SCAF8: variants seen among roughly 807,000 people sequenced by gnomAD.
SCAF8 encodes SR-related CTD associated factor 8, also known as SR-related and CTD-associated factor 8.
A neutral mutation model predicts 140.5 loss-of-function variants in SCAF8; 23 were observed. The ratio of observed to expected loss-of-function variants is 0.16; its 90% CI spans 0.12 to 0.23. SCAF8 has a LOEUF of 0.23. Among genes scored for constraint, SCAF8 ranks in the 10% least tolerant of loss-of-function variants. SCAF8 has a pLI of 1.00. For synonymous variants in SCAF8, 575 were observed against 528.9 expected, an observed-to-expected ratio of 1.09 and a Z score of -1.20; for missense variants, 1,397 against 1,555.7, an observed-to-expected ratio of 0.90 and a Z score of 1.72.
intron 3 of SCAF8, among the ~76,000 whole-genome samples, chr6:154,786,440 C>T (rs1382574312): frequency 1.3e-5 from 2 of 152,208 alleles, no homozygotes; most frequent in African/African-American, 2.4e-5. Context: ...CCAGAGGCTG[C>T]GTGACCCTAA....
At chr6:154,777,911 CT>C in intron 2 of SCAF8, 89 bp from the exon 3 acceptor site, 1 of 772,552 alleles carries the variant, frequency 1.3e-6, no homozygotes. Flanking sequence ...TTTGATAGAC[CT>C]TTGGAGCATG....
Position 154,802,254 on chromosome 6 carries a change from C to T in SCAF8, c.783+107C>T, listed in dbSNP as rs78034864. 307 of 627,842 alleles carry T rather than the reference C, an allele frequency of 4.9e-4. 2 individuals carry two copies. In the East Asian group the frequency reaches 8.7e-3, roughly 18 times the overall value. The allele number at this position is 627,842 out of a possible 1,614,324, so 38.9% of individuals were successfully genotyped here. On this transcript the variant is annotated intron_variant, in intron 7 of 19. Coordinates refer to ENST00000367178, the MANE Select transcript of SCAF8 (RefSeq NM_014892.5). ...TTTTATTGTAGACTTTCAGTATCTCCTGTACACTGTATAAGACAGTCTGAA... is the reference window on the plus strand; with the variant it reads ...TTTTATTGTAGACTTTCAGTATCTCTTGTACACTGTATAAGACAGTCTGAA...
chr6:154,743,400 T>C (rs1308342740), intron 1 of SCAF8, among the ~76,000 whole-genome samples: 1 of 152,254 alleles, frequency 6.6e-6, no homozygotes, highest in Non-Finnish European at 1.5e-5. Flanking sequence ...TGAGAATCAT[T>C]AGTCTCCACA....
intron 16 of SCAF8, among the ~76,000 whole-genome samples, chr6:154,823,507 GTGT>G (rs1300255082): frequency 6.6e-6 from 1 of 152,136 alleles, no homozygotes; most frequent in African/African-American, 2.4e-5. Context: ...TATTTTGAAG[GTGT>G]TGTAGCCAAC....
Position 154,832,887 on chromosome 6 carries a change from A to C in SCAF8, c.3308A>C (p.Glu1103Ala), listed in dbSNP as rs777952410. 6 of 1,613,982 alleles carry C rather than the reference A, an allele frequency of 3.7e-6. No homozygotes were observed. Among genetic ancestry groups the C allele is most frequent in the Middle Eastern group, 1.7e-4 (1 of 6,060 alleles). ...CATAGAGGAGATTTTGATGAGAGAGAGCATCGGGTTCTACCGGTCTATGGT... is the reference window on the plus strand; with the variant it reads ...CATAGAGGAGATTTTGATGAGAGAGCGCATCGGGTTCTACCGGTCTATGGT... The part of the protein sequence containing the change: ...WGHRGDFDER[E>A]HRVLPVYGGP... Residue 1103 changes from glutamate (E) to alanine (A), a missense_variant, in exon 20 of 20, where the codon GAG becomes GCG. Glu to Ala is a moderately radical substitution (Grantham distance 107). Coordinates refer to ENST00000367178, the MANE Select transcript of SCAF8 (RefSeq NM_014892.5).
intron 1 of SCAF8, among the ~76,000 whole-genome samples, chr6:154,761,502 CA>C: frequency 6.6e-6 from 1 of 152,248 alleles, no homozygotes; most frequent in African/African-American, 2.4e-5. Context: ...CCAAACAAAA[CA>C]AAACAAAACC....
chr6:154,788,304 A>G (rs984538452), intron 4 of SCAF8, among the ~76,000 whole-genome samples: 12 of 152,180 alleles, frequency 7.9e-5, no homozygotes, highest in African/African-American at 2.7e-4. Flanking sequence ...GGAATATGCC[A>G]TATAGTCTAG....
At position 154,832,701 on chromosome 6, in the gene SCAF8, G is replaced by T. The variant is rs150578605; in HGVS notation, c.3122G>T (p.Arg1041Leu). The T allele has an allele frequency of 6.2e-7, 1 of 1,613,896 alleles. No homozygotes were observed. The highest frequency in any genetic ancestry group is 8.5e-7 in the Non-Finnish European group (1 of 1,179,964). ...GTGGATGTTAGAGATGTGGTTGGGC[G>T]GCCTATAGATCCAAGAGAAGGTCCT... ...PPVDVRDVVG[R>L]PIDPREGPGR... is the part of the protein sequence containing the mutation. Residue 1041 changes from arginine to leucine, a missense_variant, in exon 20 of 20, where the codon CGG becomes CTG. Physicochemically the swap from Arg to Leu is moderately radical, Grantham distance 102. Coordinates refer to ENST00000367178, the MANE Select transcript of SCAF8 (RefSeq NM_014892.5).
At chr6:154,771,334 C>T (rs902072136) in intron 1 of SCAF8, among the ~76,000 whole-genome samples, 1 of 151,836 alleles carries the variant, frequency 6.6e-6, no homozygotes, top group Non-Finnish European at 1.5e-5. Context: ...TTGGAGAGAC[C>T]CTGGTAGAGA....
chr6:154,734,096 T>C (rs879007757), intron 1 of SCAF8, among the ~76,000 whole-genome samples, 166 bp downstream of exon 1: 7 of 151,856 alleles, frequency 4.6e-5, no homozygotes, highest in Admixed American at 3.3e-4. Context: ...TGGGTGCCCC[T>C]CCCCCGGGTC....
At chr6:154,788,926 T>C (rs1282370332) in intron 4 of SCAF8, among the ~76,000 whole-genome samples, 7 of 152,154 alleles carry the variant, frequency 4.6e-5, no homozygotes, top group Admixed American at 4.6e-4. Context: ...GATTTAAGTA[T>C]GAAAAGATGA....
chr6:154,762,095 A>G (rs936722998), intron 1 of SCAF8, among the ~76,000 whole-genome samples: 1 of 152,256 alleles, frequency 6.6e-6, no homozygotes, highest in Non-Finnish European at 1.5e-5. Flanking sequence ...TACACATACT[A>G]GAAAATAAAA....
chr6:154,742,252 T>C (rs550076308), intron 1 of SCAF8, among the ~76,000 whole-genome samples: 1 of 152,160 alleles, frequency 6.6e-6, no homozygotes, highest in Non-Finnish European at 1.5e-5. Context: ...ATAAATCATA[T>C]ATATATAAAC....
In SCAF8 at chr6:154,803,549, G is replaced by A. The variant is rs1304876119; in HGVS notation, c.789G>A (p.Leu263=). The A allele has an allele frequency of 1.2e-6, 2 of 1,610,940 alleles. No individual in the cohort carries two copies. Among genetic ancestry groups the A allele is most frequent in the Non-Finnish European group, 1.7e-6 (2 of 1,177,922 alleles). ...TTTCTCCTTCTTTCCCCCAGAAGTT[G>A]ATGGATAGGTTTGATTTTGGGGAAG... ...LEQGVSFNKK[L]MDRFDFGEDS... Residue 263 remains leucine (L), a synonymous_variant, in exon 8 of 20, where the codon TTG becomes TTA. Transcript: ENST00000367178.
rs779018715 is a variant in SCAF8 at position 154,810,034 on chromosome 6, T to G, written c.1246T>G (p.Ser416Ala). The G allele has an allele frequency of 6.2e-7, 1 of 1,600,332 alleles. No individual in the cohort carries two copies. Among genetic ancestry groups the G allele is most frequent in the Non-Finnish European group, 8.5e-7 (1 of 1,176,062 alleles). ...SRSRSPRKRR[S>A]RSRSGSRKRK... Reference sequence around the variant, plus strand: ...TTGTAGATCACCAAGAAAACGAAGGTCTAGGTCACGGTCTGGCTCTAGAAA... The same window carrying G: ...TTGTAGATCACCAAGAAAACGAAGGGCTAGGTCACGGTCTGGCTCTAGAAA... The change falls in exon 12 of 20, where the codon TCT becomes GCT. Residue 416 changes from serine (S) to alanine (A), a missense_variant. By Grantham distance (99) the Ser-to-Ala change is moderately conservative. Around this residue, in one of 5 missense-constraint regions of SCAF8, gnomAD observed 339 missense variants for 407.5 expected, o/e 0.83. Coordinates refer to ENST00000367178, the MANE Select transcript of SCAF8 (RefSeq NM_014892.5).
intron 1 of SCAF8, among the ~76,000 whole-genome samples, chr6:154,737,532 C>A (rs1373185070): frequency 6.6e-6 from 1 of 151,956 alleles, no homozygotes; most frequent in Non-Finnish European, 1.5e-5. Context: ...AACAACAACA[C>A]AAATTAGCTG....
chr6:154,807,994 G>C, intron 9 of SCAF8, 76 bp from the exon 10 acceptor site: 1 of 1,310,248 alleles, frequency 7.6e-7, no homozygotes, highest in Non-Finnish European at 1.1e-6. Flanking sequence ...TAATTGTGAT[G>C]TTTGCTGTGT....
chr6:154,740,709 C>T (rs573320994), intron 1 of SCAF8, among the ~76,000 whole-genome samples: 4 of 151,288 alleles, frequency 2.6e-5, no homozygotes, highest in Non-Finnish European at 5.9e-5. Context: ...CAACCTCTGC[C>T]TCTGCCTCAA....
At chr6:154,821,233 C>T (rs1194697665) in intron 15 of SCAF8, among the ~76,000 whole-genome samples, 1 of 152,138 alleles carries the variant, frequency 6.6e-6, no homozygotes, top group East Asian at 1.9e-4. Flanking sequence ...TACCCATGGT[C>T]CAAATCCTGT....
Sources: gnomAD v4.1 joint callset for allele counts (sites outside exome capture counted in the v4.1 genomes callset) on GRCh38, gnomAD v4.1.1 for gene constraint, gnomAD v4.1.1 regional missense constraint, MANE v1.5 for transcripts, NCBI Gene and HGNC (gene_info 2026-07-23, HGNC 2026-07-21) for gene names.